Variants in RIC8B observed in about 807,000 individuals in gnomAD.
The protein encoded by RIC8B is chaperone Ric-8B.
Under a neutral mutation model 57.5 loss-of-function variants are expected in RIC8B, and 16 were observed. That is an observed-to-expected ratio of 0.28 (90% CI 0.19 to 0.42). The LOEUF is 0.42. RIC8B is among the 10% of genes least tolerant of loss of function. RIC8B has a pLI of 1.00. For synonymous variants in RIC8B, 216 were observed against 250.8 expected (o/e 0.86, Z 1.31); for missense variants, 481 against 677.0 (o/e 0.71, Z 3.21).
chr12:106,872,680 A>AC (rs1950487670), intron 9 of RIC8B, among the ~76,000 whole-genome samples: 1 of 151,818 alleles, frequency 6.6e-6, no homozygotes, highest in South Asian at 2.1e-4. Flanking sequence ...AAAAAAAAAA[A>AC]AAAAAACAAA....
intron 8 of RIC8B, among the ~76,000 whole-genome samples, chr12:106,865,752 C>A (rs1357013445): frequency 1.3e-5 from 2 of 152,148 alleles, no homozygotes; most frequent in Non-Finnish European, 2.9e-5. Flanking sequence ...TTAGTGGGAT[C>A]CTTTTAATAT....
chr12:106,852,156 A>G (rs1044259183), intron 7 of RIC8B, among the ~76,000 whole-genome samples: 2 of 152,256 alleles, frequency 1.3e-5, no homozygotes, highest in Non-Finnish European at 2.9e-5. Flanking sequence ...ATACTACTCT[A>G]TAAGTGTATA....
rs1241568465 is a variant in RIC8B at position 106,815,222 on chromosome 12, C to T, written c.659C>T (p.Ser220Leu). The part of the protein sequence containing the change: ...SAIDHNGPPL[S>L]PQETDCAIEA... ...ATAGACCATAATGGACCTCCTCTCT[C>T]ACCTCAGGAGACAGACTGTGCCATT... is the stretch of plus-strand genomic sequence containing the variant. Residue 220 changes from serine to leucine, a missense_variant, in exon 3 of 10, where the codon TCA becomes TTA. Coordinates refer to ENST00000392837, the MANE Select transcript of RIC8B (RefSeq NM_001330145.2). 1 of 1,614,200 alleles carries T rather than the reference C, an allele frequency of 6.2e-7. No homozygotes were observed. Among genetic ancestry groups the T allele is most frequent in the Non-Finnish European group, 8.5e-7 (1 of 1,180,036 alleles).
chr12:106,838,693 A>C (rs1226215842), intron 4 of RIC8B, among the ~76,000 whole-genome samples: 1 of 152,172 alleles, frequency 6.6e-6, no homozygotes, highest in East Asian at 1.9e-4. Flanking sequence ...ATTACATGAA[A>C]CTAGAAAACT....
At position 106,867,794 on chromosome 12, in the gene RIC8B, CTAACT is replaced by C. The variant is rs1207037550; in HGVS notation, c.1452-3027_1452-3023del. Among the ~76,000 whole-genome samples, 3 of 152,128 alleles carry C rather than the reference CTAACT, an allele frequency of 2.0e-5. No individual in the cohort carries two copies. The highest frequency in any genetic ancestry group is 4.4e-5 in the Non-Finnish European group (3 of 68,022). On this transcript the variant is annotated intron_variant, in intron 8 of 9. Transcript: ENST00000392837. This position sits in a 1 kb window ranked among gnomAD's most constrained non-coding sequence, Gnocchi z 4.3. Reference sequence around the variant, plus strand: ...GAGTGCTACGCTATACTTCAGTGCCCTAACTTGTGTTTTCTGTGGCTTTTGTTTAC... The same window carrying C: ...GAGTGCTACGCTATACTTCAGTGCCCTGTGTTTTCTGTGGCTTTTGTTTAC...
intron 3 of RIC8B, among the ~76,000 whole-genome samples, chr12:106,820,853 G>T (rs902010487): frequency 3.3e-5 from 5 of 152,152 alleles, no homozygotes; most frequent in African/African-American, 1.2e-4. Flanking sequence ...AGATCCCAAA[G>T]AATTTCCTGA....
intron 8 of RIC8B, among the ~76,000 whole-genome samples, chr12:106,862,404 G>A (rs1172556241): frequency 6.6e-6 from 1 of 151,930 alleles, no homozygotes; most frequent in Non-Finnish European, 1.5e-5. Flanking sequence ...TAAAATATTT[G>A]TGCAAATGAT....
intron 3 of RIC8B, among the ~76,000 whole-genome samples, chr12:106,821,869 G>A (rs961920277): frequency 1.3e-5 from 2 of 151,870 alleles, no homozygotes; most frequent in African/African-American, 4.8e-5. Context: ...ACGAGGTCAG[G>A]AGATCGAGAC....
At chr12:106,785,005 T>G (rs1050465097) in intron 2 of RIC8B, among the ~76,000 whole-genome samples, 12 of 152,224 alleles carry the variant, frequency 7.9e-5, no homozygotes, top group Admixed American at 6.5e-5. Flanking sequence ...TCTAGTAGAT[T>G]GGCATCCATA....
At chr12:106,883,384 G>A (rs897505250) in intron 9 of RIC8B, among the ~76,000 whole-genome samples, 1 of 152,172 alleles carries the variant, frequency 6.6e-6, no homozygotes, top group African/African-American at 2.4e-5. Flanking sequence ...CAGTGCTAGA[G>A]AGAAGTTTTA....
chr12:106,822,077 CAA>C (rs67378158), intron 3 of RIC8B, among the ~76,000 whole-genome samples: 642 of 37,858 alleles, frequency 0.017, 3 homozygotes, highest in East Asian at 0.077. Context: ...GACTCCATCT[CAA>C]AAAAAAAAAA....
intron 2 of RIC8B, among the ~76,000 whole-genome samples, chr12:106,792,660 G>A (rs558254878): frequency 3.7e-4 from 57 of 152,266 alleles, no homozygotes; most frequent in Non-Finnish European, 3.8e-4. Flanking sequence ...AAAGTGGGCC[G>A]GATGCTGTGT....
chr12:106,843,893 A>G lies in RIC8B; in HGVS notation c.1107A>G (p.Leu369=). The change falls in exon 6 of 10, where the codon TTA becomes TTG. Residue 369 remains leucine, a synonymous_variant. Transcript: ENST00000392837. ...AGGGTCTAACTCCAGTTCTCAGCTT[A>G]TTAACCGAATGTTCCCGAGCCCATC... ...YREGLTPVLS[L]LTECSRAHRN... 1 of 1,613,860 alleles carries G rather than the reference A, an allele frequency of 6.2e-7. No individual in the cohort carries two copies. The highest frequency in any genetic ancestry group is 8.5e-7 in the Non-Finnish European group (1 of 1,179,946).
intron 2 of RIC8B, 98 bp from the exon 3 acceptor site, chr12:106,814,598 G>C: frequency 8.0e-7 from 1 of 1,257,036 alleles, no homozygotes; most frequent in Non-Finnish European, 1.1e-6. Context: ...TTTCTCTCTG[G>C]ATTTTTAACT....
chr12:106,819,236 G>T (rs1352957490), intron 3 of RIC8B, among the ~76,000 whole-genome samples: 2 of 152,108 alleles, frequency 1.3e-5, no homozygotes, highest in African/African-American at 4.8e-5. Flanking sequence ...CCTAGCAGTG[G>T]CCTCTGGGAG....
intron 9 of RIC8B, among the ~76,000 whole-genome samples, chr12:106,880,126 A>G (rs892001072): frequency 2.6e-5 from 4 of 152,020 alleles, no homozygotes; most frequent in Non-Finnish European, 5.9e-5. Flanking sequence ...ATTGAGGGCC[A>G]TGATTGAATT....
At chr12:106,875,402 G>C (rs1398753711) in intron 9 of RIC8B, among the ~76,000 whole-genome samples, 7 of 152,116 alleles carry the variant, frequency 4.6e-5, no homozygotes, top group Non-Finnish European at 1.0e-4. Context: ...AATGGGAATT[G>C]TGTAGTAAAA....
chr12:106,853,205 A>G lies in RIC8B; in HGVS notation c.1306+1611A>G, dbSNP rs180909021. ...CACCTAAGTGTATATCTAAATATAT[A>G]AATCTAAATAAATAATTACATATCT... On this transcript the variant is annotated intron_variant, in intron 7 of 9. Transcript: ENST00000392837. 4.6e-4 allele frequency among the ~76,000 whole-genome samples: 70 copies of G among 152,012 alleles called. No individual in the cohort carries two copies. In the East Asian group the frequency reaches 0.013, roughly 28 times the overall value.
intron 9 of RIC8B, among the ~76,000 whole-genome samples, chr12:106,876,743 C>G (rs2058592976): frequency 2.0e-5 from 3 of 152,098 alleles, no homozygotes; most frequent in Admixed American, 2.0e-4. Context: ...TGGTTTTTGA[C>G]TAGTAGAGGA....
Sources: gnomAD v4.1 joint callset for allele counts (sites outside exome capture counted in the v4.1 genomes callset) on GRCh38, gnomAD v4.1.1 for gene constraint, Gnocchi (gnomAD v3.1) non-coding constraint, MANE v1.5 for transcripts, NCBI Gene and HGNC (gene_info 2026-07-23, HGNC 2026-07-21) for gene names.